GULP1: variants seen among roughly 807,000 people sequenced by gnomAD.
GULP1 encodes the protein PTB domain-containing engulfment adapter protein 1.
In GULP1, 19 loss-of-function variants were observed where a neutral mutation model predicts 40.9. The observed-to-expected ratio is 0.46, with a 90% CI of 0.32 to 0.68. GULP1 has a LOEUF of 0.68. GULP1 is among the 30% of genes least tolerant of loss of function. The pLI is 0.03. For missense variants in GULP1, 312 were observed against 362.2 expected, an observed-to-expected ratio of 0.86 and a Z score of 1.12; for synonymous variants, 119 against 117.6, an observed-to-expected ratio of 1.01 and a Z score of -0.08.
chr2:188,446,588 G>A (rs770710328), intron 2 of GULP1, among the ~76,000 whole-genome samples: 1 of 152,046 alleles, frequency 6.6e-6, no homozygotes, highest in Non-Finnish European at 1.5e-5. Context: ...CTGGATTTAG[G>A]TTACTGGATT....
chr2:188,343,653 G>A (rs1324752290), intron 1 of GULP1, among the ~76,000 whole-genome samples: 1 of 152,138 alleles, frequency 6.6e-6, no homozygotes, highest in Non-Finnish European at 1.5e-5. Context: ...GCTGATTGCA[G>A]TTCTACAAAG....
chr2:188,358,715 T>C (rs1033198206), intron 1 of GULP1, among the ~76,000 whole-genome samples: 4 of 152,152 alleles, frequency 2.6e-5, no homozygotes, highest in African/African-American at 9.6e-5. Context: ...ATTTACACAG[T>C]ATAAAATTTA....
intron 1 of GULP1, among the ~76,000 whole-genome samples, chr2:188,322,048 G>A (rs199523338): frequency 7.2e-5 from 11 of 151,754 alleles, no homozygotes; most frequent in African/African-American, 1.7e-4. Context: ...ATAAATAAAT[G>A]AATAAAATAA....
intron 2 of GULP1, among the ~76,000 whole-genome samples, chr2:188,462,314 A>G (rs1319824696): frequency 6.6e-6 from 1 of 152,090 alleles, no homozygotes; most frequent in African/African-American, 2.4e-5. Context: ...AATTTTTTGA[A>G]TGTTTTAAAA....
chr2:188,320,053 C>T (rs1391021582), intron 1 of GULP1, among the ~76,000 whole-genome samples: 1 of 151,960 alleles, frequency 6.6e-6, no homozygotes, highest in Non-Finnish European at 1.5e-5. Flanking sequence ...AGCACAGTGC[C>T]CCTAGTTGTG....
At chr2:188,419,362 C>T (rs1559219863) in intron 2 of GULP1, among the ~76,000 whole-genome samples, 1 of 152,044 alleles carries the variant, frequency 6.6e-6, no homozygotes, top group Non-Finnish European at 1.5e-5. Flanking sequence ...TGGTCAATAC[C>T]TGTTGCCTTT....
At chr2:188,444,980 C>A (rs2058258159) in intron 2 of GULP1, among the ~76,000 whole-genome samples, 1 of 152,122 alleles carries the variant, frequency 6.6e-6, no homozygotes, top group African/African-American at 2.4e-5. Context: ...CTGATTGTCA[C>A]CTATTATTTA....
chr2:188,382,825 A>G (rs558879377), intron 1 of GULP1, among the ~76,000 whole-genome samples: 4 of 152,310 alleles, frequency 2.6e-5, no homozygotes, highest in African/African-American at 9.6e-5. Flanking sequence ...AAATAGGTCA[A>G]TAGGCTTCTG....
In GULP1 at chr2:188,383,120, T is replaced by C. The variant is rs762715143; in HGVS notation, c.-171-643T>C. On this transcript the variant is annotated intron_variant, in intron 1 of 11. Transcript: ENST00000409830. ...TACTATGCTGTGAATTCTGGTACTA[T>C]TTGAACTTATGTCAGCGGTACATTC... Among the ~76,000 whole-genome samples, 169 of 152,288 alleles carry C rather than the reference T, an allele frequency of 1.1e-3. 14 individuals carry two copies. The highest frequency in any genetic ancestry group is 5.7e-4 in the Non-Finnish European group (39 of 68,010).
chr2:188,336,618 G>A (rs1362058177), intron 1 of GULP1, among the ~76,000 whole-genome samples: 1 of 152,168 alleles, frequency 6.6e-6, no homozygotes, highest in African/African-American at 2.4e-5. Flanking sequence ...AATGTGGTGG[G>A]AGACATCCAT....
intron 4 of GULP1, among the ~76,000 whole-genome samples, chr2:188,491,034 G>C (rs1000041404): frequency 1.3e-5 from 2 of 152,012 alleles, no homozygotes; most frequent in African/African-American, 4.8e-5. Context: ...CTGAGCTCAA[G>C]CGATCCACCC....
rs200305869 is a variant in GULP1, at chr2:188,529,456, GT to G, written c.261+268del. On this transcript the variant is annotated intron_variant, in intron 6 of 11. Coordinates refer to ENST00000409830, the MANE Select transcript of GULP1 (RefSeq NM_016315.4). ...AGTGTTTGGACGTGTATTTGGGAAT[GT>G]TTTTTTCATGAGATGTGAAAGAGAT... Among the ~76,000 whole-genome samples the G allele has an allele frequency of 4.0e-3, 608 of 152,204 alleles. 5 individuals are homozygous for G. The highest frequency in any genetic ancestry group is 0.014 in the African/African-American group (573 of 41,530).
chr2:188,479,861 A>C (rs1559289439), intron 3 of GULP1, among the ~76,000 whole-genome samples: 1 of 152,150 alleles, frequency 6.6e-6, no homozygotes, highest in Non-Finnish European at 1.5e-5. Context: ...GAGTACAACC[A>C]TAGGAATAGT....
intron 4 of GULP1, among the ~76,000 whole-genome samples, chr2:188,511,021 A>G (rs2064476765): frequency 6.6e-6 from 1 of 152,062 alleles, no homozygotes; most frequent in Admixed American, 6.6e-5. Flanking sequence ...TTGAATGTTC[A>G]TTCTGTGCTA....
intron 2 of GULP1, among the ~76,000 whole-genome samples, chr2:188,472,227 T>G (rs1279073335): frequency 6.6e-6 from 1 of 152,144 alleles, no homozygotes; most frequent in Non-Finnish European, 1.5e-5. Flanking sequence ...TTTGGGAGTT[T>G]GATTATTAAT....
chr2:188,570,430 ATT>A (rs1559391253), intron 9 of GULP1, among the ~76,000 whole-genome samples: 1 of 152,028 alleles, frequency 6.6e-6, no homozygotes, highest in Non-Finnish European at 1.5e-5. Context: ...GTTTCTATTA[ATT>A]ACTATTTGCT....
chr2:188,397,639 C>T (rs1479487061), intron 2 of GULP1, among the ~76,000 whole-genome samples: 1 of 152,194 alleles, frequency 6.6e-6, no homozygotes, highest in Non-Finnish European at 1.5e-5. Context: ...TGAATTATCT[C>T]ACAGTTCCTG....
intron 4 of GULP1, among the ~76,000 whole-genome samples, chr2:188,516,119 T>G (rs1559332568): frequency 6.6e-6 from 1 of 152,184 alleles, no homozygotes; most frequent in Non-Finnish European, 1.5e-5. Context: ...ATCAACACCC[T>G]CCTGACATAT....
chr2:188,484,719 A>G (rs2061717155), intron 4 of GULP1, among the ~76,000 whole-genome samples: 1 of 152,212 alleles, frequency 6.6e-6, no homozygotes, highest in Non-Finnish European at 1.5e-5. Flanking sequence ...CTGAATCAGA[A>G]GGAAGAAACA....
Sources: gnomAD v4.1 joint callset for allele counts (sites outside exome capture counted in the v4.1 genomes callset) on GRCh38, gnomAD v4.1.1 for gene constraint, MANE v1.5 for transcripts, NCBI Gene and HGNC (gene_info 2026-07-23, HGNC 2026-07-21) for gene names.